Variants in DCK observed in about 807,000 individuals in gnomAD.
DCK encodes the protein deoxyadenosine kinase.
A neutral mutation model predicts 38.3 loss-of-function variants in DCK; 23 were observed. The ratio of observed to expected loss-of-function variants is 0.60; its 90% CI spans 0.43 to 0.85. The LOEUF is 0.85. DCK is among the 40% of genes least tolerant of loss of function. The pLI, the probability that DCK is intolerant of heterozygous loss-of-function variation, is 0.00. For missense variants in DCK, 259 were observed against 304.4 expected (o/e 0.85, Z 1.11); for synonymous variants, 108 against 100.6 (o/e 1.07, Z -0.44).
At chr4:71,025,705 G>T in intron 4 of DCK, 111 bp from the exon 5 acceptor site, 1 of 1,343,716 alleles carries the variant, frequency 7.4e-7, no homozygotes, top group Non-Finnish European at 9.8e-7. Context: ...GTAATAAGTA[G>T]AGATTTTGGC....
At chr4:71,004,260 C>G (rs1462168980) in intron 2 of DCK, among the ~76,000 whole-genome samples, 1 of 152,186 alleles carries the variant, frequency 6.6e-6, no homozygotes, top group Admixed American at 6.5e-5. Context: ...CACTGCAGAT[C>G]CTGTTTGCCT....
intron 2 of DCK, among the ~76,000 whole-genome samples, chr4:71,015,936 A>T (rs1313911340): frequency 6.6e-6 from 1 of 152,206 alleles, no homozygotes; most frequent in Non-Finnish European, 1.5e-5. Flanking sequence ...TGGCCAGGGT[A>T]ATCAGGTAGT....
chr4:71,012,943 G>C (rs1471661712), intron 2 of DCK, among the ~76,000 whole-genome samples: 5 of 152,200 alleles, frequency 3.3e-5, no homozygotes, highest in African/African-American at 1.2e-4. Context: ...AGAGAAGAAG[G>C]CTTCAGATAA....
At chr4:71,025,973 G>C in intron 5 of DCK, 42 bp downstream of exon 5, 1 of 1,471,882 alleles carries the variant, frequency 6.8e-7, no homozygotes, top group Non-Finnish European at 9.0e-7. Flanking sequence ...AAATACCTTT[G>C]TTACCTTTGT....
intron 2 of DCK, among the ~76,000 whole-genome samples, chr4:71,018,372 C>T (rs1452165995): frequency 6.6e-6 from 1 of 152,076 alleles, no homozygotes; most frequent in Admixed American, 6.6e-5. Flanking sequence ...TTGTGATCCA[C>T]CCGCCTTGGC....
chr4:71,024,916 A>G (rs1320812154), intron 4 of DCK, among the ~76,000 whole-genome samples: 1 of 152,118 alleles, frequency 6.6e-6, no homozygotes, highest in Non-Finnish European at 1.5e-5. Context: ...AAAAACATAA[A>G]TAATACTAAT....
At chr4:71,020,468 C>T (rs1424728933) in intron 2 of DCK, among the ~76,000 whole-genome samples, 2 of 152,168 alleles carry the variant, frequency 1.3e-5, no homozygotes, top group African/African-American at 2.4e-5. Flanking sequence ...TGCCTCATTG[C>T]AGTATATTAG....
chr4:71,013,886 C>T (rs1219127767), intron 2 of DCK, among the ~76,000 whole-genome samples: 2 of 152,156 alleles, frequency 1.3e-5, no homozygotes, highest in African/African-American at 2.4e-5. Flanking sequence ...ATCATAATGA[C>T]AGGATCAAAT....
At chr4:71,009,710 A>G (rs1372495543) in intron 2 of DCK, among the ~76,000 whole-genome samples, 1 of 152,116 alleles carries the variant, frequency 6.6e-6, no homozygotes, top group Non-Finnish European at 1.5e-5. Flanking sequence ...AGGTAGCTTC[A>G]GCTTTTTTGT....
At chr4:71,014,658 T>G (rs1362266777) in intron 2 of DCK, among the ~76,000 whole-genome samples, 2 of 152,218 alleles carry the variant, frequency 1.3e-5, no homozygotes, top group African/African-American at 4.8e-5. Flanking sequence ...AATAACCTGC[T>G]CCTGAATGAC....
chr4:71,026,783 A>T (rs1740557092), intron 6 of DCK, 28 bp downstream of exon 6: 2 of 1,182,886 alleles, frequency 1.7e-6, no homozygotes, highest in East Asian at 4.7e-5. Flanking sequence ...ACAAACAAAT[A>T]TTTGTTTTTT....
At chr4:71,012,510 AC>A (rs1054577589) in intron 2 of DCK, among the ~76,000 whole-genome samples, 3 of 152,082 alleles carry the variant, frequency 2.0e-5, no homozygotes, top group African/African-American at 4.8e-5. Flanking sequence ...ACTGAGAGGC[AC>A]CCCCCAGTAG....
intron 2 of DCK, among the ~76,000 whole-genome samples, chr4:71,007,465 A>T (rs1411252509): frequency 1.3e-5 from 2 of 151,850 alleles, no homozygotes; most frequent in African/African-American, 4.8e-5. Context: ...CTACGTTACT[A>T]CTCCGCTAGG....
At chr4:70,994,487 G>A (rs186816658) in intron 1 of DCK, among the ~76,000 whole-genome samples, 1 of 152,148 alleles carries the variant, frequency 6.6e-6, no homozygotes, top group Admixed American at 6.5e-5. Context: ...AGGCTATATC[G>A]CCTTTTGTGT....
At chr4:70,998,821 G>C (rs546310777) in intron 2 of DCK, among the ~76,000 whole-genome samples, 1 of 152,000 alleles carries the variant, frequency 6.6e-6, no homozygotes, top group East Asian at 1.9e-4. Flanking sequence ...TGCTTGTAAA[G>C]CCGAGGTAGG....
At chr4:71,025,288 A>C (rs970132547) in intron 4 of DCK, among the ~76,000 whole-genome samples, 1 of 152,118 alleles carries the variant, frequency 6.6e-6, no homozygotes, top group Non-Finnish European at 1.5e-5. Context: ...TCAAGTGCTT[A>C]AAAACCACAG....
At position 71,025,683 on chromosome 4, in the gene DCK, A is replaced by T. The variant is rs1241854112; in HGVS notation, c.550-133A>T. The T allele has an allele frequency of 3.4e-6, 4 of 1,189,086 alleles. No homozygotes were observed. The African/African-American group carries it at 4.7e-5, about 14-fold the overall frequency. 73.7% of individuals were successfully genotyped at this position (1,189,086 alleles called of 1,614,324 possible). On this transcript the variant is annotated intron_variant, in intron 4 of 6. Transcript: ENST00000286648. The stretch of plus-strand genomic sequence containing the variant: ...CATGGAGGGAAAAATGAATTATTTC[A>T]GCTTTTAAGAAGTAATAAGTAGAGA...
intron 2 of DCK, among the ~76,000 whole-genome samples, chr4:71,016,177 T>C (rs1026775120): frequency 6.6e-6 from 1 of 152,156 alleles, no homozygotes; most frequent in Non-Finnish European, 1.5e-5. Flanking sequence ...TGAACTCCCA[T>C]TCACAGTTGC....
Position 70,998,069 on chromosome 4 carries a change from GC to G in DCK, c.95del (p.Ala32GlufsTer7). On this transcript the variant is annotated frameshift_variant, in exon 2 of 7. Coordinates refer to ENST00000286648, the MANE Select transcript of DCK (RefSeq NM_000788.3). LOFTEE classifies it high-confidence loss of function. ...AATTTTATCTTTCCTCACAACAGCT[GC>G]AGGGAAGTCAACATTTGTGAATATC... ...KKISIEGNIA[A>X]GKSTFVNILK... 6.5e-7 allele frequency: 1 copy of G among 1,538,346 alleles called. No homozygotes were observed. The highest frequency in any genetic ancestry group is 8.9e-7 in the Non-Finnish European group (1 of 1,122,554).
Sources: gnomAD v4.1 joint callset for allele counts (sites outside exome capture counted in the v4.1 genomes callset) on GRCh38, gnomAD v4.1.1 for gene constraint, MANE v1.5 for transcripts, NCBI Gene and HGNC (gene_info 2026-07-23, HGNC 2026-07-21) for gene names.